The following FBXO34 variants were observed in gnomAD, a reference collection of about 807,000 sequenced individuals.
FBXO34 encodes the protein F-box only protein 34.
A neutral mutation model predicts 24.5 loss-of-function variants in FBXO34; 12 were observed. That is an observed-to-expected ratio of 0.49 (90% CI 0.31 to 0.79). The LOEUF (loss-of-function observed/expected upper bound fraction) is 0.79, where lower values mean the gene tolerates loss of function less well. FBXO34 is among the 30% of genes least tolerant of loss of function. The probability of loss-of-function intolerance (pLI) is 0.04; values close to 1 mark genes in which losing one functional copy is unlikely to be tolerated. For missense variants in FBXO34, 823 were observed against 857.7 expected, an observed-to-expected ratio of 0.96 and a Z score of 0.51; for synonymous variants, 320 against 311.9, an observed-to-expected ratio of 1.03 and a Z score of -0.27.
chr14:55,398,750 C>G, the FBXO34 span, among the ~76,000 whole-genome samples: 1 of 151,874 alleles, frequency 6.6e-6, no homozygotes, highest in African/African-American at 2.4e-5. Context: ...GGGCAGTGTT[C>G]TATAAATGTC....
chr14:55,413,464 T>C, the FBXO34 span: 1 of 200,142 alleles, frequency 5.0e-6, no homozygotes. Flanking sequence ...ATACAAAATG[T>C]AGTTTAAATA....
the FBXO34 span, among the ~76,000 whole-genome samples, chr14:55,400,511 C>T: frequency 6.6e-6 from 1 of 152,192 alleles, no homozygotes; most frequent in Non-Finnish European, 1.5e-5. Context: ...GAACACCATT[C>T]TTCCTTCCAA....
At chr14:55,387,908 C>T in the FBXO34 span, among the ~76,000 whole-genome samples, 1 of 152,158 alleles carries the variant, frequency 6.6e-6, no homozygotes, top group South Asian at 2.1e-4. Context: ...GTGATCCGCC[C>T]GCCTCGGCCT....
At chr14:55,422,976 A>T in the FBXO34 span, among the ~76,000 whole-genome samples, 19 of 152,258 alleles carry the variant, frequency 1.2e-4, no homozygotes, top group African/African-American at 2.6e-4. Context: ...AAAATTATTT[A>T]AAAAAAAGCC....
the FBXO34 span, among the ~76,000 whole-genome samples, chr14:55,429,635 G>A: frequency 0.082 from 12,497 of 151,658 alleles, 536 homozygotes; most frequent in African/African-American, 0.098. Flanking sequence ...ACATGGTGGC[G>A]GGCACCTGTA....
downstream of FBXO34, among the ~76,000 whole-genome samples, chr14:55,371,533 G>A (rs562048236): frequency 1.3e-5 from 2 of 152,148 alleles, no homozygotes; most frequent in Admixed American, 6.5e-5. Context: ...CAGGCCGGGC[G>A]CGGTGGCTCA....
chr14:55,368,516 G>C (rs543511259), downstream of FBXO34: 1 of 152,378 alleles, frequency 6.6e-6, no homozygotes, highest in African/African-American at 2.4e-5. Flanking sequence ...CACTGCGCCT[G>C]GCTGGGAAAT....
At chr14:55,359,824 A>G (rs529240107) in intron 3 of FBXO34, among the ~76,000 whole-genome samples, 6 of 152,060 alleles carry the variant, frequency 3.9e-5, no homozygotes, top group African/African-American at 1.4e-4. Flanking sequence ...TTCTGCCAGT[A>G]ATCTCAGCAC....
chr14:55,305,824 C>T (rs1341601681), intron 1 of FBXO34, among the ~76,000 whole-genome samples: 1 of 152,184 alleles, frequency 6.6e-6, no homozygotes, highest in African/African-American at 2.4e-5. Context: ...CTCCCGGTTA[C>T]TGCAAGTACT....
the FBXO34 span, among the ~76,000 whole-genome samples, chr14:55,442,088 T>C: frequency 1.5e-4 from 22 of 151,466 alleles, no homozygotes; most frequent in African/African-American, 4.6e-4. Flanking sequence ...TTATGTAAGA[T>C]ACGTAAAAAT....
chr14:55,271,715 G>A (rs529772217), intron 1 of FBXO34, among the ~76,000 whole-genome samples, 178 bp downstream of exon 1: 1 of 151,030 alleles, frequency 6.6e-6, no homozygotes, highest in South Asian at 2.1e-4. Context: ...CCGGCCGCCT[G>A]CGCCTCCTCC....
chr14:55,442,873 A>T, the FBXO34 span, among the ~76,000 whole-genome samples: 1 of 152,226 alleles, frequency 6.6e-6, no homozygotes, highest in Non-Finnish European at 1.5e-5. Context: ...TGAAATCTGG[A>T]CACACAGAGA....
At chr14:55,339,419 A>G (rs2140067586) in intron 1 of FBXO34, 1 of 137,276 alleles carries the variant, frequency 7.3e-6, no homozygotes, top group East Asian at 2.5e-4. Context: ...CCTGGTTCCA[A>G]AGGCCCAAAT....
At chr14:55,320,557 C>G (rs1159216550) in intron 1 of FBXO34, among the ~76,000 whole-genome samples, 6 of 152,180 alleles carry the variant, frequency 3.9e-5, no homozygotes, top group Non-Finnish European at 8.8e-5. Context: ...CGAGACCATC[C>G]TGGTTAACAC....
intron 1 of FBXO34, among the ~76,000 whole-genome samples, chr14:55,296,391 G>GTTTTTTTTTTTTTTTTTTTTTTTTTTT (rs1167344634): frequency 3.1e-5 from 2 of 64,752 alleles, no homozygotes; most frequent in East Asian, 6.0e-4. Flanking sequence ...TGTTTTTTTT[G>GTTTTTTTTTTTTTTTTTTTTTTTTTTT]TTTTTTTTTT....
chr14:55,355,770 CACA>C (rs911516729), downstream of FBXO34, among the ~76,000 whole-genome samples: 9 of 152,240 alleles, frequency 5.9e-5, no homozygotes, highest in African/African-American at 2.2e-4. Flanking sequence ...CAGTGCCTCA[CACA>C]ACACACTCTG....
At chr14:55,433,702 A>G in the FBXO34 span, 1 of 1,614,068 alleles carries the variant, frequency 6.2e-7, no homozygotes, top group African/African-American at 1.3e-5. Context: ...TCGGATCCTC[A>G]TTATGACAGC....
At chr14:55,378,528 A>G in the FBXO34 span, among the ~76,000 whole-genome samples, 1 of 152,128 alleles carries the variant, frequency 6.6e-6, no homozygotes, top group Non-Finnish European at 1.5e-5. Context: ...TCGTTATTCT[A>G]TCCAGGACTT....
the FBXO34 span, among the ~76,000 whole-genome samples, chr14:55,422,191 G>T: frequency 1.3e-5 from 2 of 152,334 alleles, no homozygotes; most frequent in Middle Eastern, 3.4e-3. Context: ...GCGTTAAGTT[G>T]GTTGGCTAGC....
Sources: gnomAD v4.1 joint callset for allele counts (sites outside exome capture counted in the v4.1 genomes callset) on GRCh38, gnomAD v4.1.1 for gene constraint, MANE v1.5 for transcripts, NCBI Gene and HGNC (gene_info 2026-07-23, HGNC 2026-07-21) for gene names.